Variants in DEPDC4 observed in about 807,000 individuals in gnomAD.
The protein encoded by DEPDC4 is DEP domain-containing protein 4.
DEPDC4 carries 52 observed loss-of-function variants against 52.0 expected under a neutral mutation model. The ratio of observed to expected loss-of-function variants is 1.00; its 90% CI spans 0.80 to 1.26. The LOEUF (loss-of-function observed/expected upper bound fraction) is 1.26, where lower values mean the gene tolerates loss of function less well. Among genes scored for constraint, DEPDC4 ranks in the 50% most tolerant of loss-of-function variants. The pLI, the probability that DEPDC4 is intolerant of heterozygous loss-of-function variation, is 0.00. For synonymous variants in DEPDC4, 201 were observed against 196.8 expected (o/e 1.02, Z -0.18); for missense variants, 530 against 546.9 (o/e 0.97, Z 0.31).
At chr12:100,243,937 A>C (rs2096171421) in intron 8 of DEPDC4, among the ~76,000 whole-genome samples, 1 of 151,334 alleles carries the variant, frequency 6.6e-6, no homozygotes, top group Non-Finnish European at 1.5e-5. Flanking sequence ...CTTTGGCTTC[A>C]TGGCATGACT....
Position 100,253,593 on chromosome 12 carries a change from T to C in DEPDC4, c.1001A>G (p.Lys334Arg). The C allele has an allele frequency of 7.8e-7, 1 of 1,289,242 alleles. No homozygotes were observed. Among genetic ancestry groups the C allele is most frequent in the Non-Finnish European group, 1.0e-6 (1 of 988,502 alleles). The allele number at this position is 1,289,242 out of a possible 1,614,324, so 79.9% of individuals were successfully genotyped here. A position where few individuals can be genotyped will look rare whatever the true frequency, so the allele number is the denominator to read the frequency against. Residue 334 changes from lysine (K) to arginine (R), a missense_variant, in exon 5 of 10, where the codon AAG (lysine) becomes AGG (arginine). Transcript: ENST00000550587. ...RNEETRLNSQ[K>R]KILFDVIAKY... The stretch of plus-strand genomic sequence containing the variant: ...TGCTATGACATCAAAGAGTATCTTC[T>C]TCTGACTGTTCAATCTTGTCTCTTC...
intron 7 of DEPDC4, among the ~76,000 whole-genome samples, chr12:100,250,972 T>C (rs1358346781): frequency 1.3e-5 from 2 of 152,212 alleles, no homozygotes; most frequent in Non-Finnish European, 2.9e-5. Context: ...TAATGTTTAA[T>C]GTTAATGGGA....
chr12:100,267,164 C>G, upstream of DEPDC4: 1 of 1,440,426 alleles, frequency 6.9e-7, no homozygotes, highest in Non-Finnish European at 9.4e-7. Context: ...TGCCCCCGGC[C>G]GGCAGGTCTT....
At position 100,256,791 on chromosome 12, in the gene DEPDC4, A is replaced by G. The variant is rs568048797; in HGVS notation, c.701-565T>C. Among the ~76,000 whole-genome samples the G allele has an allele frequency of 8.6e-5, 13 of 151,594 alleles. No individual in the cohort carries two copies. The East Asian group carries it at 1.2e-3, about 14-fold the overall frequency. On this transcript the variant is annotated intron_variant, in intron 3 of 9. Transcript: ENST00000550587. ...TGAGTAGCTGGGACTACAGGCGCCC[A>G]CCACCATGCCCGGCTAATTTTTCGT...
At chr12:100,255,630 A>T (rs779912063) in intron 4 of DEPDC4, among the ~76,000 whole-genome samples, 6 of 152,188 alleles carry the variant, frequency 3.9e-5, no homozygotes, top group Non-Finnish European at 8.8e-5. Context: ...TCTTATCTAC[A>T]AATTAGGCCG....
chr12:100,267,029 CAAAAG>C lies in DEPDC4; in HGVS notation c.43_47del (p.Leu15AspfsTer6). On this transcript the variant is annotated frameshift_variant, in exon 1 of 10. Transcript: ENST00000550587. LOFTEE classifies it high-confidence loss of function. ...TGACAAGTCTACGGAACCTCGGAGT[CAAAAG>C]AACCGCCATAAGCTCGCGCGCTGGC... 1 of 1,610,862 alleles carries C rather than the reference CAAAAG, an allele frequency of 6.2e-7. No individual in the cohort carries two copies. Among genetic ancestry groups the C allele is most frequent in the Middle Eastern group, 1.7e-4 (1 of 5,988 alleles).
chr12:100,278,691 G>A, the DEPDC4 span, among the ~76,000 whole-genome samples: 5 of 148,962 alleles, frequency 3.4e-5, no homozygotes, highest in East Asian at 6.0e-4. Flanking sequence ...GTGCAGTGGC[G>A]TGATCTCGGC....
At chr12:100,250,308 C>T (rs1424586289) in intron 7 of DEPDC4, among the ~76,000 whole-genome samples, 6 of 152,142 alleles carry the variant, frequency 3.9e-5, no homozygotes, top group South Asian at 2.1e-4. Flanking sequence ...CTCCGCCTCC[C>T]GGGTTCAAGT....
Position 100,263,819 on chromosome 12 carries a change from T to C in DEPDC4, c.232A>G (p.Lys78Glu). ...IHSLQAQVEI[K>E]RRRHHLQTYK... The stretch of plus-strand genomic sequence containing the variant: ...GTCTGTAAATGATGCCTCCTTCTTT[T>C]TATTTCCACTTGGGCCTGAAGAGAG... The change falls in exon 2 of 10, where the codon AAA (lysine) becomes GAA (glutamate). Residue 78 changes from lysine to glutamate, a missense_variant. Lys to Glu is a moderately conservative substitution (Grantham distance 56). Transcript: ENST00000550587. 6.2e-7 allele frequency: 1 copy of C among 1,614,200 alleles called. No homozygotes were observed.
chr12:100,256,728 G>A (rs1231758741), intron 3 of DEPDC4, among the ~76,000 whole-genome samples: 1 of 149,898 alleles, frequency 6.7e-6, no homozygotes, highest in African/African-American at 2.5e-5. Flanking sequence ...TGCAAGCTCC[G>A]CCTCCCAGGT....
Position 100,241,595 on chromosome 12 carries a change from G to T in DEPDC4, c.*297C>A. The stretch of plus-strand genomic sequence containing the variant: ...TTTGAGATTATGCTTTCTCTGAAGT[G>T]TAAGTATGGCAATTTGAGAAAACCA... On this transcript the variant is annotated 3_prime_UTR_variant, in exon 10 of 10. Transcript: ENST00000550587. 2.3e-6 allele frequency: 2 copies of T among 860,150 alleles called. No homozygotes were observed. The highest frequency in any genetic ancestry group is 1.8e-5 in the African/African-American group (1 of 54,412). The allele number at this position is 860,150 out of a possible 1,614,324, so 53.3% of individuals were successfully genotyped here. A position where few individuals can be genotyped will look rare whatever the true frequency, so the allele number is the denominator to read the frequency against.
the DEPDC4 span, among the ~76,000 whole-genome samples, chr12:100,278,765 G>A: frequency 2.0e-5 from 3 of 151,946 alleles, no homozygotes; most frequent in South Asian, 6.3e-4. Flanking sequence ...GAGTAGCTGG[G>A]ACTACAGGCG....
At chr12:100,271,471 AATG>A (rs1435630537), upstream of DEPDC4, among the ~76,000 whole-genome samples, 8 of 152,268 alleles carry the variant, frequency 5.3e-5, no homozygotes, top group East Asian at 9.6e-4. Context: ...AATAACTATA[AATG>A]ATGATATAAA....
chr12:100,266,090 T>A (rs2096271657), intron 1 of DEPDC4, among the ~76,000 whole-genome samples: 1 of 152,098 alleles, frequency 6.6e-6, no homozygotes, highest in Non-Finnish European at 1.5e-5. Context: ...TTAATTAAAA[T>A]TAATTAAAAA....
At chr12:100,275,275 C>T in the DEPDC4 span, among the ~76,000 whole-genome samples, 1 of 151,870 alleles carries the variant, frequency 6.6e-6, no homozygotes, top group South Asian at 2.1e-4. Context: ...GATCACAGCT[C>T]ACTGCGTCCT....
chr12:100,246,150 T>A (rs1425187311), intron 8 of DEPDC4, among the ~76,000 whole-genome samples: 2 of 151,706 alleles, frequency 1.3e-5, no homozygotes, highest in African/African-American at 2.4e-5. Context: ...TCATTTTTGT[T>A]TCATTTTGTT....
intron 9 of DEPDC4, among the ~76,000 whole-genome samples, chr12:100,231,922 G>T (rs1213769304): frequency 1.3e-5 from 2 of 151,942 alleles, no homozygotes; most frequent in African/African-American, 4.8e-5. Context: ...TCCAGCATGG[G>T]TGTCAGAGAG....
chr12:100,265,789 G>T (rs144091001), intron 1 of DEPDC4, among the ~76,000 whole-genome samples: 6 of 152,222 alleles, frequency 3.9e-5, no homozygotes, highest in African/African-American at 1.2e-4. Context: ...ATCCTACTTA[G>T]GTAAAAATGA....
intron 1 of DEPDC4, 125 bp from the exon 2 acceptor site, chr12:100,264,018 A>T (rs1457333756): frequency 4.9e-6 from 4 of 808,870 alleles, no homozygotes; most frequent in Non-Finnish European, 5.8e-6. Flanking sequence ...CTTACGTGTC[A>T]TCTCACATCT....
Sources: allele counts gnomAD v4.1 joint callset (sites outside exome capture counted in the v4.1 genomes callset), GRCh38; gene constraint gnomAD v4.1.1; transcripts MANE v1.5; gene names NCBI Gene and HGNC (gene_info 2026-07-23, HGNC 2026-07-21).